The following CRADD variants were observed in gnomAD, a reference collection of about 807,000 sequenced individuals.
CRADD encodes CARD and death domain containing adaptor protein, also known as death domain-containing protein CRADD.
Under a neutral mutation model 15.5 loss-of-function variants are expected in CRADD, and 9 were observed. The ratio of observed to expected loss-of-function variants is 0.58; its 90% CI spans 0.35 to 1.01. The LOEUF is 1.01. CRADD is among the 50% of genes least tolerant of loss of function. The pLI is 0.02. For missense variants in CRADD, 227 were observed against 250.3 expected, an observed-to-expected ratio of 0.91 and a Z score of 0.63; for synonymous variants, 118 against 107.6, an observed-to-expected ratio of 1.10 and a Z score of -0.60.
At chr12:93,790,506 A>G (rs780050057) in intron 2 of CRADD, among the ~76,000 whole-genome samples, 96 of 151,998 alleles carry the variant, frequency 6.3e-4, no homozygotes, top group Non-Finnish European at 3.7e-4. Flanking sequence ...CATGGTCTGC[A>G]TACTTGTGTG....
At chr12:93,804,462 CT>C (rs1294465708) in intron 2 of CRADD, among the ~76,000 whole-genome samples, 1 of 152,128 alleles carries the variant, frequency 6.6e-6, no homozygotes, top group Non-Finnish European at 1.5e-5. Context: ...CTGGTAAGTG[CT>C]GACATACCCA....
intron 2 of CRADD, among the ~76,000 whole-genome samples, chr12:93,789,259 T>C (rs1402349147): frequency 6.6e-6 from 1 of 152,040 alleles, no homozygotes; most frequent in Non-Finnish European, 1.5e-5. Context: ...GTGTGTAGCT[T>C]GCCTCCAGCG....
intron 2 of CRADD, among the ~76,000 whole-genome samples, chr12:93,750,260 C>T (rs1956814483): frequency 6.6e-6 from 1 of 151,258 alleles, no homozygotes; most frequent in Non-Finnish European, 1.5e-5. Flanking sequence ...TCATGGACAA[C>T]TGAATCGGGG....
At chr12:93,856,055 C>T (rs1425123698) in intron 2 of CRADD, among the ~76,000 whole-genome samples, 1 of 152,232 alleles carries the variant, frequency 6.6e-6, no homozygotes, top group Non-Finnish European at 1.5e-5. Context: ...ATCCACCTGC[C>T]TCAGCCTCCC....
In CRADD at chr12:93,879,709, G is replaced by T. The variant is rs185767355; in HGVS notation, c.299-14341G>T. Among the ~76,000 whole-genome samples, 107 of 152,274 alleles carry T rather than the reference G, an allele frequency of 7.0e-4. 1 individual carries two copies. The East Asian group carries it at 0.02, about 29-fold the overall frequency. The stretch of plus-strand genomic sequence containing the variant: ...ACAGTTCAATAATAACTGGAGCAAT[G>T]CTCTACTTTTCTCTCTGGCCCTAGT... On this transcript the variant is annotated intron_variant, in intron 2 of 2. Transcript: ENST00000548483.
intron 2 of CRADD, among the ~76,000 whole-genome samples, chr12:93,832,547 A>G (rs1449881327): frequency 1.4e-5 from 2 of 144,460 alleles, no homozygotes; most frequent in East Asian, 1.9e-4. Context: ...ATCTTTCTCT[A>G]TACTCTTTAT....
chr12:93,717,551 G>A (rs1044108059), intron 2 of CRADD, among the ~76,000 whole-genome samples: 1 of 151,906 alleles, frequency 6.6e-6, no homozygotes. Flanking sequence ...TTAGAGTTTC[G>A]CTCTGTTGCC....
chr12:93,856,876 C>T (rs1443077642), intron 2 of CRADD, among the ~76,000 whole-genome samples: 2 of 152,196 alleles, frequency 1.3e-5, no homozygotes, highest in African/African-American at 4.8e-5. Context: ...TTAGATGTTG[C>T]TGGCATACAG....
chr12:93,781,036 G>A (rs1303077677), intron 2 of CRADD, among the ~76,000 whole-genome samples: 1 of 151,558 alleles, frequency 6.6e-6, no homozygotes, highest in Non-Finnish European at 1.5e-5. Flanking sequence ...GATTACAAGT[G>A]TGAGCCACCG....
At chr12:93,686,084 G>C (rs1955428147) in intron 2 of CRADD, among the ~76,000 whole-genome samples, 2 of 151,568 alleles carry the variant, frequency 1.3e-5, no homozygotes, top group Admixed American at 1.3e-4. Flanking sequence ...TGAATCACTT[G>C]AGGTCAGGAG....
chr12:93,807,140 CA>C (rs1362000321), intron 2 of CRADD, among the ~76,000 whole-genome samples: 1 of 152,112 alleles, frequency 6.6e-6, no homozygotes, highest in Non-Finnish European at 1.5e-5. Context: ...TGTTGATGCC[CA>C]AAGGCTCTCA....
chr12:93,850,324 T>A lies in CRADD; in HGVS notation c.*53T>A. On this transcript the variant is annotated 3_prime_UTR_variant, in exon 3 of 3. Transcript: ENST00000332896. This position sits in a 1 kb window ranked among gnomAD's most constrained non-coding sequence, Gnocchi z 4.0. ...GTGTCCCTGAGTCATGTGGGCTGAA[T>A]CCTGACTTTCACTCAGAGCAGGTGG... The A allele has an allele frequency of 6.5e-7, 1 of 1,527,652 alleles. No homozygotes were observed. The highest frequency in any genetic ancestry group is 8.8e-7 in the Non-Finnish European group (1 of 1,140,934). 94.6% of individuals were successfully genotyped at this position (1,527,652 alleles called of 1,614,324 possible).
At chr12:93,767,992 C>G (rs1487407824) in intron 2 of CRADD, among the ~76,000 whole-genome samples, 2 of 152,208 alleles carry the variant, frequency 1.3e-5, no homozygotes, top group African/African-American at 4.8e-5. Context: ...TGGAAACACT[C>G]TTAAGGCTTA....
chr12:93,788,973 C>T (rs1018783541), intron 2 of CRADD, among the ~76,000 whole-genome samples: 4 of 152,128 alleles, frequency 2.6e-5, no homozygotes, highest in African/African-American at 9.7e-5. Context: ...CCCTGGAGCA[C>T]TGTGTTCTAC....
At chr12:93,782,675 GACTA>G (rs1392419405) in intron 2 of CRADD, among the ~76,000 whole-genome samples, 2 of 150,372 alleles carry the variant, frequency 1.3e-5, no homozygotes, top group Non-Finnish European at 3.0e-5. Context: ...TTGAACAACT[GACTA>G]ACTAAAAAAA....
chr12:93,792,657 A>G (rs1471319812), intron 2 of CRADD, among the ~76,000 whole-genome samples: 1 of 152,214 alleles, frequency 6.6e-6, no homozygotes, highest in Non-Finnish European at 1.5e-5. Context: ...AAGTTAATAT[A>G]TGCCAGGTAC....
At chr12:93,730,242 C>A (rs573519288) in intron 2 of CRADD, among the ~76,000 whole-genome samples, 37 of 152,352 alleles carry the variant, frequency 2.4e-4, no homozygotes, top group African/African-American at 8.7e-4. Context: ...CAGCCCAGGG[C>A]TGTCTGCCTC....
chr12:93,839,500 C>T (rs887064534), intron 2 of CRADD, among the ~76,000 whole-genome samples: 1 of 152,164 alleles, frequency 6.6e-6, no homozygotes, highest in Non-Finnish European at 1.5e-5. Context: ...TTGGAAAGTA[C>T]ATTCAATTTT....
intron 2 of CRADD, among the ~76,000 whole-genome samples, chr12:93,833,129 C>G (rs1035347644): frequency 2.0e-5 from 3 of 152,088 alleles, no homozygotes; most frequent in African/African-American, 7.2e-5. Context: ...TACACAAATG[C>G]TAAGTGTTCA....
Sources: gnomAD v4.1 joint callset for allele counts (sites outside exome capture counted in the v4.1 genomes callset) on GRCh38, gnomAD v4.1.1 for gene constraint, Gnocchi (gnomAD v3.1) non-coding constraint, MANE v1.5 for transcripts, NCBI Gene and HGNC (gene_info 2026-07-23, HGNC 2026-07-21) for gene names.